Variants in OFD1 observed in about 807,000 individuals in gnomAD.
OFD1 encodes OFD1 centriole and centriolar satellite protein, also known as centriole and centriolar satellite protein OFD1.
In OFD1, 12 loss-of-function variants were observed where a neutral mutation model predicts 81.4. The ratio of observed to expected loss-of-function variants is 0.15; its 90% confidence interval spans 0.09 to 0.24. The LOEUF (loss-of-function observed/expected upper bound fraction) is 0.24, where lower values mean the gene tolerates loss of function less well. Ranked by LOEUF, OFD1 falls within the 10% of genes least tolerant of loss-of-function variation. The pLI, the probability that OFD1 is intolerant of heterozygous loss-of-function variation, is 1.00. For missense variants in OFD1, 685 were observed against 733.9 expected, an observed-to-expected ratio of 0.93 and a Z score of 0.77; for synonymous variants, 256 against 263.7, an observed-to-expected ratio of 0.97 and a Z score of 0.28.
chrX:13,758,297 G>A, intron 14 of OFD1, 40 bp from the exon 15 acceptor site: 2 of 951,565 alleles, frequency 2.1e-6, no homozygotes, highest in African/African-American at 1.9e-5. Context: ...GCTGTGATTT[G>A]TTTTACATTG....
At chrX:13,735,145 C>G (rs939993355) in intron 1 of OFD1, 62 bp downstream of exon 1, 122 of 1,204,201 alleles carry the variant, frequency 1.0e-4, no homozygotes, top group Non-Finnish European at 1.2e-4. Context: ...GTTAAACTTT[C>G]GCCGCTAGGC....
chrX:13,745,660 T>C (rs1245736729), intron 6 of OFD1, among the ~76,000 whole-genome samples: 1 of 112,234 alleles, frequency 8.9e-6, no homozygotes, highest in Admixed American at 9.5e-5. Flanking sequence ...CTGTGCATAC[T>C]TTTTGGGTGG....
rs1602812935 is a variant in OFD1, at chrX:13,744,422, T to G, written c.420T>G (p.Leu140=). The G allele has an allele frequency of 4.4e-6, 5 of 1,146,205 alleles. No homozygotes were observed. Among genetic ancestry groups the G allele is most frequent in the Non-Finnish European group, 6.0e-6 (5 of 836,891 alleles). The allele number at this position is 1,146,205 out of a possible 1,213,427, so 94.5% of individuals were successfully genotyped here. The stretch of plus-strand genomic sequence containing the variant: ...TATGCATATGTTTTTTAGGTTTTCT[T>G]ATGCATTTTTTAAAAGAATTGGCAG... The part of the protein sequence containing the change: ...GSDKENQKGF[L]MHFLKELAEY... Residue 140 remains leucine (L), a synonymous_variant, in exon 6 of 23, where the codon CTT becomes CTG. Transcript: ENST00000340096.
intron 10 of OFD1, among the ~76,000 whole-genome samples, chrX:13,752,146 G>A (rs2047527089): frequency 8.9e-6 from 1 of 112,211 alleles, no homozygotes; most frequent in Admixed American, 9.4e-5. Flanking sequence ...AATCAAAAGA[G>A]CTAAAATTAA....
intron 19 of OFD1, among the ~76,000 whole-genome samples, chrX:13,766,094 G>A (rs1211651088): frequency 3.6e-5 from 4 of 112,048 alleles, no homozygotes; most frequent in Non-Finnish European, 5.6e-5. Flanking sequence ...AATATTTCTC[G>A]TACAAAGTTG....
chrX:13,757,891 C>T, intron 14 of OFD1, 101 bp downstream of exon 14: 2 of 956,364 alleles, frequency 2.1e-6, no homozygotes, highest in East Asian at 3.1e-5. Context: ...TTTATTTTAA[C>T]ATCAAACATT....
At chrX:13,757,965 C>CT (rs1387198282) in intron 14 of OFD1, among the ~76,000 whole-genome samples, 175 bp downstream of exon 14, 2 of 112,085 alleles carry the variant, frequency 1.8e-5, no homozygotes, top group East Asian at 5.5e-4. Flanking sequence ...GATAACGTGA[C>CT]TTTATATTCG....
the OFD1 span, chrX:13,720,123 A>G: frequency 2.7e-6 from 1 of 370,545 alleles, no homozygotes; most frequent in Non-Finnish European, 4.5e-6. Context: ...AGTTTCCAGT[A>G]TACTAGCGAA....
In OFD1 at chrX:13,755,238, T is replaced by G; in HGVS notation, c.1217T>G (p.Leu406Arg). 2 of 1,164,077 alleles carry G rather than the reference T, an allele frequency of 1.7e-6. No individual in the cohort carries two copies. The highest frequency in any genetic ancestry group is 2.3e-6 in the Non-Finnish European group (2 of 852,203). ...LNQSVNRVKE[L>R]ELELESVKAQ... is the part of the protein sequence containing the mutation. ...CAATCTGTAAATCGTGTGAAAGAAC[T>G]TGAGGTAATTGTTAAGCATGTTGGT... Residue 406 changes from leucine (L) to arginine (R), a missense_variant, in exon 12 of 23, where the codon CTT becomes CGT. Leu to Arg is a moderately radical substitution (Grantham distance 102). Coordinates refer to ENST00000340096, the MANE Select transcript of OFD1 (RefSeq NM_003611.3).
At chrX:13,748,044 C>G (rs2238910) in intron 8 of OFD1, among the ~76,000 whole-genome samples, 2,183 of 112,005 alleles carry the variant, frequency 0.019, 54 homozygotes, top group East Asian at 0.18. Context: ...ATGCTTCCCC[C>G]TAGTGTCCAC....
At chrX:13,769,523 A>G (rs916121240), downstream of OFD1, among the ~76,000 whole-genome samples, 1 of 111,794 alleles carries the variant, frequency 8.9e-6, no homozygotes. Context: ...GTCCCTGAAC[A>G]TAAAAACAGA....
At chrX:13,739,385 A>C in intron 5 of OFD1, 1 of 186,358 alleles carries the variant, frequency 5.4e-6, no homozygotes, top group South Asian at 1.4e-4. Context: ...AGGGTATTAG[A>C]TGTATTAATA....
chrX:13,739,090 AAAAG>A, intron 5 of OFD1, 58 bp downstream of exon 5: 1 of 1,053,929 alleles, frequency 9.5e-7, no homozygotes. Context: ...TTTTTCCTCT[AAAAG>A]AATGAAGCAA....
intron 5 of OFD1, among the ~76,000 whole-genome samples, chrX:13,743,681 A>G (rs1452646846): frequency 8.9e-6 from 1 of 111,742 alleles, no homozygotes; most frequent in Non-Finnish European, 1.9e-5. Flanking sequence ...GATTTTGTTC[A>G]TGTTTATTCA....
intron 5 of OFD1, among the ~76,000 whole-genome samples, chrX:13,743,141 G>A (rs140780295): frequency 6.2e-5 from 7 of 112,209 alleles, no homozygotes; most frequent in Middle Eastern, 4.6e-3. Context: ...CTAATCTCAC[G>A]CTCCACTGAT....
At chrX:13,745,324 C>T (rs372347904) in intron 6 of OFD1, among the ~76,000 whole-genome samples, 1 of 112,157 alleles carries the variant, frequency 8.9e-6, no homozygotes, top group Non-Finnish European at 1.9e-5. Flanking sequence ...TAAAAAGAAA[C>T]GGGTGAAATT....
intron 5 of OFD1, chrX:13,740,328 T>G: frequency 7.8e-6 from 3 of 386,861 alleles, no homozygotes; most frequent in Non-Finnish European, 8.8e-6. Context: ...ATGTGGCTTT[T>G]GAGCCTTGAA....
At chrX:13,743,148 T>C (rs184640414) in intron 5 of OFD1, among the ~76,000 whole-genome samples, 195 of 112,604 alleles carry the variant, frequency 1.7e-3, no homozygotes, top group African/African-American at 5.9e-3. Context: ...CACGCTCCAC[T>C]GATAACTAGA....
At chrX:13,731,672 T>A (rs2046680682), upstream of OFD1, among the ~76,000 whole-genome samples, 1 of 111,542 alleles carries the variant, frequency 9.0e-6, no homozygotes, top group South Asian at 3.7e-4. Flanking sequence ...AAAGCACTCA[T>A]TATTTGCTGA....
Sources: gnomAD v4.1 joint callset for allele counts (sites outside exome capture counted in the v4.1 genomes callset) on GRCh38, gnomAD v4.1.1 for gene constraint, MANE v1.5 for transcripts, NCBI Gene and HGNC (gene_info 2026-07-23, HGNC 2026-07-21) for gene names.